Variants in RAPGEF4 observed in about 807,000 individuals in gnomAD.
RAPGEF4 encodes Rap guanine nucleotide exchange factor 4.
RAPGEF4 carries 66 observed loss-of-function variants against 147.9 expected under a neutral mutation model. The ratio of observed to expected loss-of-function variants is 0.45; its 90% CI spans 0.37 to 0.55. The LOEUF (loss-of-function observed/expected upper bound fraction) is 0.55. Ranked by LOEUF, RAPGEF4 falls within the 20% of genes least tolerant of loss-of-function variation. RAPGEF4 has a pLI of 0.00. For missense variants in RAPGEF4, 1,071 were observed against 1,257.3 expected, an observed-to-expected ratio of 0.85 and a Z score of 2.24; for synonymous variants, 419 against 442.7, an observed-to-expected ratio of 0.95 and a Z score of 0.67.
At chr2:173,009,016 C>G (rs1034975684) in intron 17 of RAPGEF4, among the ~76,000 whole-genome samples, 1 of 152,172 alleles carries the variant, frequency 6.6e-6, no homozygotes, top group African/African-American at 2.4e-5. Context: ...CCAATCTGCT[C>G]TCAGTCACAT....
chr2:172,750,995 T>C (rs1473959705), intron 1 of RAPGEF4, among the ~76,000 whole-genome samples: 4 of 152,206 alleles, frequency 2.6e-5, no homozygotes, highest in East Asian at 1.9e-4. Context: ...TTACTGGACC[T>C]GTTACAGCAA....
chr2:172,870,465 GC>G lies in RAPGEF4; in HGVS notation c.445-47336del, dbSNP rs375768693. ...GAAAAAATGCCAGTTCAATCTTTAA[GC>G]TTTTTATCCCTCTTAAGTAGCTGTG... is the stretch of plus-strand genomic sequence containing the variant. On this transcript the variant is annotated intron_variant, in intron 4 of 30. Coordinates refer to ENST00000397081, the MANE Select transcript of RAPGEF4 (RefSeq NM_007023.4). 2.9e-3 allele frequency among the ~76,000 whole-genome samples: 447 copies of G among 152,228 alleles called. 1 individual carries two copies. The highest frequency in any genetic ancestry group is 0.01 in the African/African-American group (420 of 41,534).
At position 172,795,065 on chromosome 2, in the gene RAPGEF4, A is replaced by C. The variant is rs1263244938; in HGVS notation, c.106A>C (p.Thr36Pro). Residue 36 changes from threonine to proline, a missense_variant, in exon 2 of 31, where the codon ACT becomes CCT. Coordinates refer to ENST00000397081, the MANE Select transcript of RAPGEF4 (RefSeq NM_007023.4). ...RSSEDVDIIF[T>P]RLKEVKAFEK... ...CAGCGAAGATGTGGATATAATCTTC[A>C]CTCGACTGAAAGAAGTTAAAGCTTT... The C allele has an allele frequency of 1.2e-6, 2 of 1,613,954 alleles. No individual in the cohort carries two copies. Among genetic ancestry groups the C allele is most frequent in the South Asian group, 2.2e-5 (2 of 91,072 alleles).
At chr2:172,967,590 G>A (rs1171875819) in intron 10 of RAPGEF4, 146 bp downstream of exon 10, 2 of 768,414 alleles carry the variant, frequency 2.6e-6, no homozygotes, top group Admixed American at 3.2e-5. Context: ...TGCCACAGCA[G>A]TGCTTGTCTC....
At chr2:172,975,967 CATTGTCCTAAAA>C (rs1691019909) in intron 10 of RAPGEF4, among the ~76,000 whole-genome samples, 1 of 151,162 alleles carries the variant, frequency 6.6e-6, no homozygotes, top group South Asian at 2.1e-4. Flanking sequence ...GATCAAACCA[CATTGTCCTAAAA>C]ACACTTAGCA....
At chr2:172,914,282 C>G (rs3922225) in intron 4 of RAPGEF4, among the ~76,000 whole-genome samples, 1 of 148,090 alleles carries the variant, frequency 6.8e-6, no homozygotes, top group Non-Finnish European at 1.5e-5. Flanking sequence ...CATCTGCCCT[C>G]TGAGGGAGGT....
chr2:173,018,818 C>A lies in RAPGEF4; in HGVS notation c.2155+16C>A. ...TCCGGAGGAGGTAACAGTCTTAATT[C>A]ATATTTTAGGCTCTGCAAAATGGGA... On this transcript the variant is annotated intron_variant, in intron 22 of 30. Transcript: ENST00000397081. The A allele has an allele frequency of 6.2e-7, 1 of 1,611,180 alleles. No individual in the cohort carries two copies. Among genetic ancestry groups the A allele is most frequent in the South Asian group, 1.1e-5 (1 of 90,520 alleles).
At chr2:172,865,836 A>ATG (rs1219153582) in intron 4 of RAPGEF4, among the ~76,000 whole-genome samples, 1 of 151,928 alleles carries the variant, frequency 6.6e-6, no homozygotes, top group Non-Finnish European at 1.5e-5. Context: ...AATTATATAT[A>ATG]TGTGTGTGTG....
At chr2:172,788,548 C>T (rs890376291) in intron 1 of RAPGEF4, among the ~76,000 whole-genome samples, 1 of 152,050 alleles carries the variant, frequency 6.6e-6, no homozygotes, top group African/African-American at 2.4e-5. Flanking sequence ...GGAGTCTAGG[C>T]ACAGCTTGTC....
chr2:172,858,757 A>G (rs1317991042), intron 4 of RAPGEF4, among the ~76,000 whole-genome samples: 1 of 152,186 alleles, frequency 6.6e-6, no homozygotes, highest in African/African-American at 2.4e-5. Flanking sequence ...TATGTTTTTA[A>G]AGTTTACCCA....
At chr2:172,885,787 G>A (rs1489405994) in intron 4 of RAPGEF4, among the ~76,000 whole-genome samples, 1 of 152,188 alleles carries the variant, frequency 6.6e-6, no homozygotes, top group Non-Finnish European at 1.5e-5. Context: ...TGGGGACACA[G>A]AGTCAAACCA....
At chr2:172,784,473 G>A (rs966798974) in intron 1 of RAPGEF4, among the ~76,000 whole-genome samples, 2 of 150,888 alleles carry the variant, frequency 1.3e-5, no homozygotes, top group Non-Finnish European at 2.9e-5. Flanking sequence ...CGCCGAGATC[G>A]TGCCACTGCA....
At chr2:172,754,910 G>T (rs1026446732) in intron 1 of RAPGEF4, among the ~76,000 whole-genome samples, 1 of 152,088 alleles carries the variant, frequency 6.6e-6, no homozygotes, top group Admixed American at 6.5e-5. Flanking sequence ...GGGCCTGGTG[G>T]CAGGCACCTG....
intron 1 of RAPGEF4, among the ~76,000 whole-genome samples, chr2:172,763,500 C>T (rs1334670609): frequency 6.6e-6 from 1 of 152,000 alleles, no homozygotes; most frequent in Non-Finnish European, 1.5e-5. Flanking sequence ...ATCAGATTTC[C>T]CCAGAGGAGG....
In RAPGEF4 at chr2:173,048,587, A is replaced by G. The variant is rs1429313312; in HGVS notation, c.2854-13A>G. 1 of 1,613,328 alleles carries G rather than the reference A, an allele frequency of 6.2e-7. No homozygotes were observed. On this transcript the variant is annotated splice_polypyrimidine_tract_variant and intron_variant, in intron 29 of 30. Transcript: ENST00000397081. The stretch of plus-strand genomic sequence containing the variant: ...TTGAATTTCTATCTTTCTTTTTTCT[A>G]TATTCCTTTTAGCGCATGATTGCAA...
chr2:172,820,547 C>T (rs1000974090), intron 4 of RAPGEF4, among the ~76,000 whole-genome samples: 2 of 152,098 alleles, frequency 1.3e-5, no homozygotes, highest in African/African-American at 2.4e-5. Context: ...CAGGGCAAAA[C>T]GTGTCATGGA....
intron 4 of RAPGEF4, among the ~76,000 whole-genome samples, chr2:172,875,088 G>A (rs1332084661): frequency 6.6e-6 from 1 of 152,006 alleles, no homozygotes; most frequent in Non-Finnish European, 1.5e-5. Flanking sequence ...ACTTTTTGAT[G>A]GGGTTGTTTG....
intron 4 of RAPGEF4, among the ~76,000 whole-genome samples, chr2:172,857,249 C>A (rs1693530414): frequency 1.3e-5 from 2 of 152,054 alleles, no homozygotes; most frequent in South Asian, 4.1e-4. Context: ...TGGTAAGTGG[C>A]AGAACCATGA....
chr2:172,997,992 C>T (rs1346473035), intron 16 of RAPGEF4, among the ~76,000 whole-genome samples: 1 of 152,148 alleles, frequency 6.6e-6, no homozygotes, highest in Non-Finnish European at 1.5e-5. Flanking sequence ...TGGCTCCAGG[C>T]CAATTATTCT....
Sources: allele counts gnomAD v4.1 joint callset (sites outside exome capture counted in the v4.1 genomes callset), GRCh38; gene constraint gnomAD v4.1.1; transcripts MANE v1.5; gene names NCBI Gene and HGNC (gene_info 2026-07-23, HGNC 2026-07-21).